Variants in TMED10 observed in about 807,000 individuals in gnomAD.
TMED10 encodes transmembrane p24 trafficking protein 10.
In TMED10, 7 loss-of-function variants were observed where a neutral mutation model predicts 23.1. That is an observed-to-expected ratio of 0.30 (90% confidence interval 0.17 to 0.57). The LOEUF (loss-of-function observed/expected upper bound fraction) is 0.57. TMED10 is among the 20% of genes least tolerant of loss of function. The probability of loss-of-function intolerance (pLI) is 0.91; values close to 1 mark genes in which losing one functional copy is unlikely to be tolerated. For synonymous variants in TMED10, 113 were observed against 106.9 expected (o/e 1.06, Z -0.35); for missense variants, 162 against 274.8 (o/e 0.59, Z 2.90).
chr14:75,149,875 C>A (rs1305337344), intron 2 of TMED10, among the ~76,000 whole-genome samples: 1 of 151,998 alleles, frequency 6.6e-6, no homozygotes, highest in Non-Finnish European at 1.5e-5. Context: ...GAGGCCAAGG[C>A]AGGTGGATCT....
chr14:75,164,569 ATATATATATTT>A (rs1204556051), intron 1 of TMED10, among the ~76,000 whole-genome samples: 21 of 1,974 alleles, frequency 0.011, no homozygotes, highest in African/African-American at 0.02. Flanking sequence ...ATATATATAT[ATATATATATTT>A]TTTTTTTTTT....
intron 3 of TMED10, among the ~76,000 whole-genome samples, chr14:75,145,553 C>T (rs1895872833): frequency 6.6e-6 from 1 of 152,110 alleles, no homozygotes; most frequent in South Asian, 2.1e-4. Context: ...TTTGGGAGGC[C>T]AAGACAGGCA....
chr14:75,172,372 A>G (rs375007963), intron 1 of TMED10, among the ~76,000 whole-genome samples: 3 of 151,998 alleles, frequency 2.0e-5, no homozygotes, highest in South Asian at 2.1e-4. Flanking sequence ...CAGTGGCACA[A>G]TCATACTTCA....
chr14:75,176,249 C>A, intron 1 of TMED10, 106 bp downstream of exon 1: 1 of 1,414,044 alleles, frequency 7.1e-7, no homozygotes, highest in South Asian at 1.3e-5. Context: ...CCCGGGAGGC[C>A]AGAACAACTC....
intron 1 of TMED10, among the ~76,000 whole-genome samples, chr14:75,164,556 TA>T (rs1566675166): frequency 7.6e-3 from 25 of 3,304 alleles, no homozygotes; most frequent in Admixed American, 0.021. Context: ...TATATATATA[TA>T]TATATATATA....
At chr14:75,164,084 G>A (rs1400464655) in intron 1 of TMED10, among the ~76,000 whole-genome samples, 1 of 147,814 alleles carries the variant, frequency 6.8e-6, no homozygotes, top group Non-Finnish European at 1.5e-5. Context: ...TTTTTTTTTT[G>A]AGACAGAGTT....
rs1895961727 is a variant in TMED10 at position 75,152,114 on chromosome 14, G to A, written c.255C>T (p.Tyr85=). ...TCCCCTTGGTTGCATCCTCTTTGGAGTAGAGAATATGGCCAGCAGAATCTG... is the reference window on the plus strand; with the variant it reads ...TCCCCTTGGTTGCATCCTCTTTGGAATAGAGAATATGGCCAGCAGAATCTG... The part of the protein sequence containing the change: ...KITDSAGHIL[Y]SKEDATKGKF... Residue 85 remains tyrosine (Y), a synonymous_variant, in exon 2 of 5, where the codon TAC becomes TAT. Coordinates refer to ENST00000303575, the MANE Select transcript of TMED10 (RefSeq NM_006827.6). The A allele has an allele frequency of 1.9e-6, 3 of 1,613,922 alleles. No individual in the cohort carries two copies. Among genetic ancestry groups the A allele is most frequent in the East Asian group, 2.2e-5 (1 of 44,828 alleles).
At position 75,132,365 on chromosome 14, in the gene TMED10, G is replaced by A. The variant is rs1256387787; in HGVS notation, c.*2520C>T. On this transcript the variant is annotated 3_prime_UTR_variant, in exon 5 of 5. Coordinates refer to ENST00000303575, the MANE Select transcript of TMED10 (RefSeq NM_006827.6). ...ATAGTGCCATTGCACTCCAGCCTGG[G>A]CGTTGCAGCAAGACTCCGTCCCCCC... 2 of 148,350 alleles carry A rather than the reference G, an allele frequency of 1.3e-5. No individual in the cohort carries two copies. Among genetic ancestry groups the A allele is most frequent in the Non-Finnish European group, 3.0e-5 (2 of 67,614 alleles). The allele number at this position is 148,350 out of a possible 1,614,324, so 9.2% of individuals were successfully genotyped here.
At chr14:75,160,153 TG>T (rs1333352788) in intron 1 of TMED10, among the ~76,000 whole-genome samples, 1 of 152,228 alleles carries the variant, frequency 6.6e-6, no homozygotes, top group Non-Finnish European at 1.5e-5. Flanking sequence ...ATGGCCTGTT[TG>T]GGCATTCTAA....
intron 1 of TMED10, among the ~76,000 whole-genome samples, chr14:75,152,375 T>A (rs528677602): frequency 6.6e-6 from 1 of 152,378 alleles, no homozygotes; most frequent in Non-Finnish European, 1.5e-5. Flanking sequence ...AATCTGTTGC[T>A]GCTATAGGAT....
At chr14:75,162,426 T>C (rs1250444806) in intron 1 of TMED10, among the ~76,000 whole-genome samples, 4 of 151,294 alleles carry the variant, frequency 2.6e-5, no homozygotes, top group African/African-American at 9.7e-5. Flanking sequence ...TAAACATCCA[T>C]GAATCTACAC....
At chr14:75,143,945 A>C (rs1199240916) in intron 3 of TMED10, among the ~76,000 whole-genome samples, 3 of 151,608 alleles carry the variant, frequency 2.0e-5, no homozygotes, top group African/African-American at 7.3e-5. Flanking sequence ...AAAAAAAAAA[A>C]AAAAAGGACT....
chr14:75,164,088 CAG>C lies in TMED10; in HGVS notation c.226-11947_226-11946del, dbSNP rs542465173. On this transcript the variant is annotated intron_variant, in intron 1 of 4. Transcript: ENST00000303575. ...CATTTTCTTCCTTTTTTTTTTGAGA[CAG>C]AGTTTTGCTCTGTCGTAAAGGCTGG... Among the ~76,000 whole-genome samples, 60 of 151,778 alleles carry C rather than the reference CAG, an allele frequency of 4.0e-4. No homozygotes were observed. In the South Asian group the frequency reaches 0.012, roughly 31 times the overall value.
intron 1 of TMED10, among the ~76,000 whole-genome samples, chr14:75,160,897 A>G (rs929708389): frequency 1.3e-5 from 2 of 152,158 alleles, no homozygotes; most frequent in African/African-American, 2.4e-5. Context: ...ATAAAAAATT[A>G]GCCGGGCATG....
At chr14:75,159,151 G>A (rs1454558284) in intron 1 of TMED10, among the ~76,000 whole-genome samples, 12 of 152,166 alleles carry the variant, frequency 7.9e-5, no homozygotes, top group Admixed American at 7.9e-4. Context: ...GTTCAAAAAG[G>A]TAGACAGCAG....
chr14:75,142,736 T>C (rs1895838024), intron 3 of TMED10, among the ~76,000 whole-genome samples: 1 of 152,230 alleles, frequency 6.6e-6, no homozygotes, highest in Non-Finnish European at 1.5e-5. Flanking sequence ...GTAATTGACC[T>C]GTTCTGCCCA....
At chr14:75,156,161 T>C (rs950226757) in intron 1 of TMED10, among the ~76,000 whole-genome samples, 22 of 152,034 alleles carry the variant, frequency 1.4e-4, no homozygotes, top group African/African-American at 4.8e-4. Flanking sequence ...AGACAGACTA[T>C]AGAGAGAGAA....
At chr14:75,147,879 G>A (rs1895908607) in intron 2 of TMED10, 142 bp from the exon 3 acceptor site, 8 of 731,834 alleles carry the variant, frequency 1.1e-5, no homozygotes, top group Non-Finnish European at 1.7e-5. Context: ...CTGCTCAGTT[G>A]CAGAAAATTC....
chr14:75,152,335 T>C (rs566192401), intron 1 of TMED10, among the ~76,000 whole-genome samples, 192 bp from the exon 2 acceptor site: 156 of 152,334 alleles, frequency 1.0e-3, no homozygotes, highest in African/African-American at 3.5e-3. Context: ...ATTTCATCCA[T>C]TCAAATAGCC....
Sources: gnomAD v4.1 joint callset for allele counts (sites outside exome capture counted in the v4.1 genomes callset) on GRCh38, gnomAD v4.1.1 for gene constraint, MANE v1.5 for transcripts, NCBI Gene and HGNC (gene_info 2026-07-23, HGNC 2026-07-21) for gene names.